The following AUTS2 variants were observed in gnomAD, a reference collection of about 807,000 sequenced individuals.
The protein encoded by AUTS2 is activator of transcription and developmental regulator AUTS2, also known as autism susceptibility gene 2 protein.
AUTS2 carries 17 observed loss-of-function variants against 112.4 expected under a neutral mutation model. The observed-to-expected ratio is 0.15, with a 90% CI of 0.10 to 0.23. AUTS2 has a LOEUF of 0.23. Ranked by LOEUF, AUTS2 falls within the 10% of genes least tolerant of loss-of-function variation. The pLI is 1.00. For synonymous variants in AUTS2, 751 were observed against 702.7 expected, an observed-to-expected ratio of 1.07 and a Z score of -1.09; for missense variants, 1,510 against 1,701.6, an observed-to-expected ratio of 0.89 and a Z score of 1.98.
intron 5 of AUTS2, among the ~76,000 whole-genome samples, chr7:70,610,493 T>G (rs1804037905): frequency 7.3e-6 from 1 of 137,222 alleles, no homozygotes; most frequent in Non-Finnish European, 1.5e-5. Flanking sequence ...TAGAAGGCAG[T>G]GGTGTGGTCA....
chr7:70,002,814 C>T (rs1219998956), intron 2 of AUTS2, among the ~76,000 whole-genome samples: 5 of 151,984 alleles, frequency 3.3e-5, no homozygotes, highest in South Asian at 2.1e-4. Flanking sequence ...GTCACAGATA[C>T]TGTTAATGTT....
At chr7:70,063,915 C>T (rs959554116) in intron 2 of AUTS2, among the ~76,000 whole-genome samples, 7 of 152,048 alleles carry the variant, frequency 4.6e-5, no homozygotes, top group African/African-American at 1.2e-4. Flanking sequence ...TTCTTTCCTC[C>T]GGGCAAGAGA....
At chr7:70,640,572 G>GGTGTGTGT (rs56257017) in intron 5 of AUTS2, among the ~76,000 whole-genome samples, 56 of 150,206 alleles carry the variant, frequency 3.7e-4, no homozygotes, top group East Asian at 2.2e-3. Context: ...CAGAACTAAT[G>GGTGTGTGT]GTGTGTGTGT....
intron 5 of AUTS2, among the ~76,000 whole-genome samples, chr7:70,582,566 G>A (rs553635388): frequency 6.6e-6 from 1 of 152,228 alleles, no homozygotes; most frequent in Admixed American, 6.5e-5. Flanking sequence ...CTCTGGGGAA[G>A]CTTGGGACTC....
intron 4 of AUTS2, among the ~76,000 whole-genome samples, chr7:70,194,334 T>G (rs1278658547): frequency 6.6e-6 from 1 of 152,118 alleles, no homozygotes; most frequent in Non-Finnish European, 1.5e-5. Context: ...CACTTGAACC[T>G]GGGAGGCAGA....
intron 14 of AUTS2, among the ~76,000 whole-genome samples, chr7:70,780,073 G>A (rs1790969219): frequency 6.6e-6 from 1 of 151,932 alleles, no homozygotes; most frequent in African/African-American, 2.4e-5. Context: ...ACTAAGGGCA[G>A]TGAAAACCCA....
chr7:69,614,367 T>TCTTTCTTTCTTTTCTTTCTTTTCTTTC lies in AUTS2; in HGVS notation c.309+14405_309+14406insCTTTCTTTCTTTTCTTTCTTTTCTTTC, dbSNP rs57602451. Among the ~76,000 whole-genome samples, 22 of 90,292 alleles carry TCTTTCTTTCTTTTCTTTCTTTTCTTTC rather than the reference T, an allele frequency of 2.4e-4. 1 individual carries two copies. Among genetic ancestry groups the TCTTTCTTTCTTTTCTTTCTTTTCTTTC allele is most frequent in the Admixed American group, 4.7e-4 (4 of 8,462 alleles). The allele number at this position is 90,292 out of a possible 152,430, so 59.2% of individuals were successfully genotyped here. A position where few individuals can be genotyped will look rare whatever the true frequency, so the allele number is the denominator to read the frequency against. On this transcript the variant is annotated intron_variant, in intron 1 of 18. Transcript: ENST00000342771. ...TTCTTTCTTTCTTTCTTTCTTTCTT[T>TCTTTCTTTCTTTTCTTTCTTTTCTTTC]TTTTAAGAGATGGGATCTCACTCTG... is the stretch of plus-strand genomic sequence containing the variant.
intron 4 of AUTS2, among the ~76,000 whole-genome samples, chr7:70,240,116 G>A (rs1053805610): frequency 2.0e-5 from 3 of 152,124 alleles, no homozygotes; most frequent in Non-Finnish European, 2.9e-5. Context: ...TAAGCAATGA[G>A]CCTAGCAACC....
intron 1 of AUTS2, among the ~76,000 whole-genome samples, chr7:69,710,503 T>C (rs1798266722): frequency 6.6e-6 from 1 of 152,220 alleles, no homozygotes; most frequent in South Asian, 2.1e-4. Flanking sequence ...GGACATGTCT[T>C]AGTCCTTGAG....
At chr7:70,361,170 A>G (rs1792243467) in intron 4 of AUTS2, among the ~76,000 whole-genome samples, 1 of 152,070 alleles carries the variant, frequency 6.6e-6, no homozygotes. Flanking sequence ...TGTCTCTACT[A>G]AAAATACAAA....
intron 1 of AUTS2, among the ~76,000 whole-genome samples, chr7:69,632,633 TCTTTC>T (rs1375453925): frequency 2.7e-5 from 4 of 148,442 alleles, no homozygotes; most frequent in Non-Finnish European, 6.0e-5. Flanking sequence ...GTTTTCTTTC[TCTTTC>T]CTTTCCCTTT....
chr7:70,645,357 A>G (rs1039640653), intron 5 of AUTS2, among the ~76,000 whole-genome samples: 5 of 151,836 alleles, frequency 3.3e-5, no homozygotes, highest in African/African-American at 1.2e-4. Context: ...ACCTGGCATC[A>G]CAACAGTTCA....
At chr7:70,443,093 A>T (rs1301378051) in intron 5 of AUTS2, among the ~76,000 whole-genome samples, 1 of 152,220 alleles carries the variant, frequency 6.6e-6, no homozygotes, top group African/African-American at 2.4e-5. Context: ...TAATCTGTTC[A>T]TTACTACCAT....
chr7:70,598,313 C>T (rs1001695790), intron 5 of AUTS2, among the ~76,000 whole-genome samples: 5 of 152,176 alleles, frequency 3.3e-5, no homozygotes, highest in Non-Finnish European at 7.3e-5. Context: ...TGCAGGTTTA[C>T]TGTATTGAGC....
intron 5 of AUTS2, among the ~76,000 whole-genome samples, chr7:70,571,502 G>T (rs766862008): frequency 4.6e-5 from 7 of 152,226 alleles, no homozygotes; most frequent in Admixed American, 1.3e-4. Flanking sequence ...AGTTTGATGG[G>T]AGAGAAGGCT....
intron 1 of AUTS2, among the ~76,000 whole-genome samples, chr7:69,789,818 A>T (rs1789538135): frequency 6.6e-6 from 1 of 152,108 alleles, no homozygotes; most frequent in African/African-American, 2.4e-5. Flanking sequence ...ATGTTTATGT[A>T]TTCTCTAGTT....
intron 4 of AUTS2, among the ~76,000 whole-genome samples, chr7:70,352,486 G>A (rs1380931126): frequency 6.6e-6 from 1 of 152,030 alleles, no homozygotes; most frequent in African/African-American, 2.4e-5. Flanking sequence ...CGTCAGGAGG[G>A]GTTATCTAGA....
intron 1 of AUTS2, among the ~76,000 whole-genome samples, chr7:69,732,176 G>A (rs1460893605): frequency 1.3e-5 from 2 of 151,942 alleles, no homozygotes; most frequent in Non-Finnish European, 2.9e-5. Flanking sequence ...GCTGTGCCAG[G>A]CTAATTAATA....
chr7:69,738,894 C>T (rs1787149827), intron 1 of AUTS2, among the ~76,000 whole-genome samples: 1 of 152,026 alleles, frequency 6.6e-6, no homozygotes, highest in Non-Finnish European at 1.5e-5. Flanking sequence ...GAGATGAGGG[C>T]TGCTATTAAT....
Sources: allele counts gnomAD v4.1 joint callset (sites outside exome capture counted in the v4.1 genomes callset), GRCh38; gene constraint gnomAD v4.1.1; transcripts MANE v1.5; gene names NCBI Gene and HGNC (gene_info 2026-07-23, HGNC 2026-07-21).